SNTG1: variants seen among roughly 807,000 people sequenced by gnomAD.
SNTG1 encodes syntrophin gamma 1, also known as gamma-1-syntrophin.
In SNTG1, 39 loss-of-function variants were observed where a neutral mutation model predicts 74.7. That is an observed-to-expected ratio of 0.52 (90% confidence interval 0.40 to 0.68). SNTG1 has a LOEUF of 0.68. Ranked by LOEUF, SNTG1 falls within the 30% of genes least tolerant of loss-of-function variation. SNTG1 has a pLI of 0.00. For missense variants in SNTG1, 685 were observed against 609.5 expected, an observed-to-expected ratio of 1.12 and a Z score of -1.30; for synonymous variants, 254 against 217.1, an observed-to-expected ratio of 1.17 and a Z score of -1.49.
At chr8:50,078,816 G>T (rs1239503831) in intron 1 of SNTG1, among the ~76,000 whole-genome samples, 1 of 152,092 alleles carries the variant, frequency 6.6e-6, no homozygotes, top group Non-Finnish European at 1.5e-5. Context: ...TGCAGTTTTT[G>T]GTTTTCTGTT....
At chr8:50,537,953 T>C (rs1455235108) in intron 11 of SNTG1, among the ~76,000 whole-genome samples, 1 of 152,218 alleles carries the variant, frequency 6.6e-6, no homozygotes, top group East Asian at 1.9e-4. Context: ...TTAAGATGTT[T>C]ATCTCTTAAT....
intron 17 of SNTG1, among the ~76,000 whole-genome samples, chr8:50,718,884 C>T (rs2095481038): frequency 6.6e-6 from 1 of 152,120 alleles, no homozygotes; most frequent in Non-Finnish European, 1.5e-5. Context: ...GTCAGTGGGC[C>T]AGCCTGCAGA....
chr8:50,205,604 G>A (rs142943353), intron 2 of SNTG1, among the ~76,000 whole-genome samples: 3,341 of 152,248 alleles, frequency 0.022, 135 homozygotes, highest in African/African-American at 0.072. Flanking sequence ...GGCTTTTGTT[G>A]CAATTGCTTT....
chr8:50,322,983 G>A (rs1448525699), intron 2 of SNTG1, among the ~76,000 whole-genome samples: 1 of 151,634 alleles, frequency 6.6e-6, no homozygotes, highest in Non-Finnish European at 1.5e-5. Context: ...AGGGGTGGTG[G>A]CACATGCCTG....
At chr8:50,277,761 A>G (rs2088198544) in intron 2 of SNTG1, among the ~76,000 whole-genome samples, 1 of 152,230 alleles carries the variant, frequency 6.6e-6, no homozygotes, top group African/African-American at 2.4e-5. Flanking sequence ...TTAGGAAGAC[A>G]CCTAATCAGG....
At chr8:50,212,189 T>C (rs563171885) in intron 2 of SNTG1, among the ~76,000 whole-genome samples, 2 of 152,316 alleles carry the variant, frequency 1.3e-5, no homozygotes, top group South Asian at 4.1e-4. Flanking sequence ...TGTTTTAACT[T>C]TCACTGTGAT....
intron 15 of SNTG1, among the ~76,000 whole-genome samples, chr8:50,701,756 C>CTTCTTCTTCTT (rs1563761853): frequency 3.6e-4 from 45 of 123,778 alleles, no homozygotes; most frequent in South Asian, 5.5e-4. Flanking sequence ...TCCTTCTTCT[C>CTTCTTCTTCTT]CTTCTTCTTC....
chr8:50,381,640 T>TTATA (rs199655421), intron 2 of SNTG1, among the ~76,000 whole-genome samples: 1 of 96,682 alleles, frequency 1.0e-5, no homozygotes, highest in Non-Finnish European at 2.1e-5. Context: ...ATCCTATTAG[T>TTATA]TATATATATA....
chr8:50,614,453 C>T (rs1021475226), intron 13 of SNTG1, among the ~76,000 whole-genome samples: 2 of 151,868 alleles, frequency 1.3e-5, no homozygotes, highest in Admixed American at 6.5e-5. Context: ...TTCTGGGTTG[C>T]TAATTTTACT....
chr8:50,552,320 C>T lies in SNTG1; in HGVS notation c.681-730C>T, dbSNP rs147818498. Among the ~76,000 whole-genome samples the T allele has an allele frequency of 5.4e-3, 822 of 152,226 alleles. 7 individuals carry two copies. Among genetic ancestry groups the T allele is most frequent in the African/African-American group, 0.018 (767 of 41,532 alleles). On this transcript the variant is annotated intron_variant, in intron 11 of 18. Coordinates refer to ENST00000642720, the MANE Select transcript of SNTG1 (RefSeq NM_018967.5). Reference sequence around the variant, plus strand: ...TGAAACACTTTTAAATTCAATAGCACTTTTGTGAACAATTTTAAAAGGCAT... The same window carrying T: ...TGAAACACTTTTAAATTCAATAGCATTTTTGTGAACAATTTTAAAAGGCAT...
chr8:50,368,324 G>T (rs955554510), intron 2 of SNTG1, among the ~76,000 whole-genome samples: 14 of 152,162 alleles, frequency 9.2e-5, no homozygotes, highest in Non-Finnish European at 1.6e-4. Flanking sequence ...TTTAAGCAAA[G>T]TGTTGAAAGT....
intron 13 of SNTG1, among the ~76,000 whole-genome samples, chr8:50,640,988 T>C (rs546292641): frequency 6.6e-6 from 1 of 152,282 alleles, no homozygotes. Context: ...TAATCAAGTA[T>C]TATCATTCCC....
intron 2 of SNTG1, among the ~76,000 whole-genome samples, chr8:50,359,147 T>C (rs1183738839): frequency 6.6e-6 from 1 of 152,202 alleles, no homozygotes; most frequent in African/African-American, 2.4e-5. Context: ...TTTCCTTAGG[T>C]AGATGCACAT....
At chr8:50,239,350 T>C (rs948929765) in intron 2 of SNTG1, among the ~76,000 whole-genome samples, 1 of 152,138 alleles carries the variant, frequency 6.6e-6, no homozygotes, top group Non-Finnish European at 1.5e-5. Flanking sequence ...TGTCTCACAG[T>C]TCTGCATGGC....
chr8:50,297,022 T>C (rs2089415238), intron 2 of SNTG1, among the ~76,000 whole-genome samples: 1 of 152,180 alleles, frequency 6.6e-6, no homozygotes, highest in Admixed American at 6.5e-5. Context: ...CCTAAATTTG[T>C]AGTTTTTGGC....
intron 2 of SNTG1, among the ~76,000 whole-genome samples, chr8:50,263,497 C>T (rs192278160): frequency 8.6e-5 from 13 of 151,822 alleles, no homozygotes; most frequent in South Asian, 6.2e-4. Context: ...CAAAGACACA[C>T]GTAAATTGAA....
chr8:50,063,908 G>A (rs1820685553), intron 1 of SNTG1, among the ~76,000 whole-genome samples: 1 of 152,142 alleles, frequency 6.6e-6, no homozygotes, highest in Non-Finnish European at 1.5e-5. Context: ...CTAATCTCCT[G>A]CAGAACGTGT....
intron 1 of SNTG1, among the ~76,000 whole-genome samples, chr8:50,036,608 C>T (rs1818189296): frequency 6.6e-6 from 1 of 152,216 alleles, no homozygotes; most frequent in Non-Finnish European, 1.5e-5. Context: ...ATTGTTAAGG[C>T]ATTCCCAGCT....
chr8:50,482,496 T>C (rs560655149), intron 8 of SNTG1, among the ~76,000 whole-genome samples: 1 of 152,364 alleles, frequency 6.6e-6, no homozygotes, highest in African/African-American at 2.4e-5. Flanking sequence ...TCTCACACTC[T>C]CATTGTGAGT....
Sources: gnomAD v4.1 joint callset for allele counts (sites outside exome capture counted in the v4.1 genomes callset) on GRCh38, gnomAD v4.1.1 for gene constraint, MANE v1.5 for transcripts, NCBI Gene and HGNC (gene_info 2026-07-23, HGNC 2026-07-21) for gene names.